The following PLIN3 variants were observed in gnomAD, a reference collection of about 807,000 sequenced individuals.
PLIN3 encodes perilipin-3.
A neutral mutation model predicts 35.9 loss-of-function variants in PLIN3; 30 were observed. The ratio of observed to expected loss-of-function variants is 0.84; its 90% CI spans 0.62 to 1.13. PLIN3 has a LOEUF of 1.13. PLIN3 is among the 50% of genes most tolerant of loss of function. The pLI is 0.00. For missense variants in PLIN3, 603 were observed against 596.9 expected (o/e 1.01, Z -0.11); for synonymous variants, 261 against 262.5 (o/e 0.99, Z 0.06).
chr19:4,855,940 AT>A (rs2030461094), intron 4 of PLIN3, among the ~76,000 whole-genome samples: 1 of 148,168 alleles, frequency 6.7e-6, no homozygotes, highest in African/African-American at 2.5e-5. Context: ...AAAAAAAAAA[AT>A]GCAAGTTGAC....
chr19:4,861,577 T>C (rs1405891239), intron 1 of PLIN3, among the ~76,000 whole-genome samples, 166 bp from the exon 2 acceptor site: 1 of 150,978 alleles, frequency 6.6e-6, no homozygotes, highest in Non-Finnish European at 1.5e-5. Context: ...CTTTGTTCAA[T>C]AGCAAGTGCT....
chr19:4,847,979 C>T (rs1197875648), intron 5 of PLIN3, 89 bp from the exon 6 acceptor site: 2 of 912,668 alleles, frequency 2.2e-6, no homozygotes, highest in African/African-American at 1.7e-5. Context: ...TCACACTGTC[C>T]AGTTTATTTA....
At chr19:4,842,385 C>T (rs562347220) in intron 7 of PLIN3, among the ~76,000 whole-genome samples, 16 of 151,820 alleles carry the variant, frequency 1.1e-4, no homozygotes, top group African/African-American at 3.1e-4. Context: ...GTCAAGATCA[C>T]GCCACTGCAC....
At chr19:4,855,313 T>G (rs1432622304) in intron 4 of PLIN3, among the ~76,000 whole-genome samples, 1 of 146,744 alleles carries the variant, frequency 6.8e-6, no homozygotes, top group Non-Finnish European at 1.5e-5. Flanking sequence ...CTTGAAGAAT[T>G]CACCCTGAGC....
chr19:4,847,282 T>A (rs1226711240), intron 6 of PLIN3, among the ~76,000 whole-genome samples: 1 of 151,586 alleles, frequency 6.6e-6, no homozygotes. Context: ...CTCCAACTCC[T>A]GGGCTCAAGC....
intron 4 of PLIN3, among the ~76,000 whole-genome samples, chr19:4,855,832 G>C (rs1016330765): frequency 6.6e-6 from 1 of 151,780 alleles, no homozygotes; most frequent in Non-Finnish European, 1.5e-5. Context: ...CTGAGAGCTG[G>C]GAGGATTGCC....
At chr19:4,841,239 C>A (rs2029886403) in intron 7 of PLIN3, among the ~76,000 whole-genome samples, 1 of 152,090 alleles carries the variant, frequency 6.6e-6, no homozygotes, top group South Asian at 2.1e-4. Context: ...AATGGGTGAA[C>A]AGAATGTGAT....
intron 7 of PLIN3, among the ~76,000 whole-genome samples, chr19:4,841,404 G>A (rs2029888940): frequency 6.6e-6 from 1 of 152,072 alleles, no homozygotes; most frequent in Non-Finnish European, 1.5e-5. Flanking sequence ...GAAATGTCCA[G>A]GACAGGCCCA....
chr19:4,863,885 G>A (rs1232528284), intron 1 of PLIN3, among the ~76,000 whole-genome samples: 1 of 151,798 alleles, frequency 6.6e-6, no homozygotes, highest in African/African-American at 2.4e-5. Flanking sequence ...TAACTGACAT[G>A]ACATGAACAA....
chr19:4,852,724 T>C (rs2030342954), intron 4 of PLIN3, among the ~76,000 whole-genome samples: 2 of 151,874 alleles, frequency 1.3e-5, no homozygotes, highest in Admixed American at 1.3e-4. Flanking sequence ...CACTGCAACC[T>C]CTGTCTCCCG....
intron 4 of PLIN3, among the ~76,000 whole-genome samples, chr19:4,856,085 T>A (rs916666131): frequency 1.3e-5 from 2 of 152,092 alleles, no homozygotes; most frequent in African/African-American, 4.8e-5. Context: ...AAGCTGCCTG[T>A]CCCTGCAGGT....
chr19:4,856,276 C>G (rs1293029787), intron 4 of PLIN3, among the ~76,000 whole-genome samples: 1 of 152,032 alleles, frequency 6.6e-6, no homozygotes, highest in African/African-American at 2.4e-5. Context: ...AAGCATCTAT[C>G]TGCAGGGCGC....
At chr19:4,858,572 T>C (rs1001483027) in intron 4 of PLIN3, among the ~76,000 whole-genome samples, 4 of 150,618 alleles carry the variant, frequency 2.7e-5, no homozygotes, top group African/African-American at 9.8e-5. Context: ...TTAGTAGAGA[T>C]GGGGTTTCAC....
chr19:4,865,961 G>A (rs2030839685), intron 1 of PLIN3, among the ~76,000 whole-genome samples: 1 of 150,218 alleles, frequency 6.7e-6, no homozygotes, highest in African/African-American at 2.5e-5. Flanking sequence ...CTGACCTCAT[G>A]ATCCGCCCGC....
At chr19:4,841,542 C>T (rs929790998) in intron 7 of PLIN3, among the ~76,000 whole-genome samples, 3 of 150,184 alleles carry the variant, frequency 2.0e-5, no homozygotes, top group East Asian at 2.0e-4. Context: ...TGAGAACCAG[C>T]GATGTGTATG....
chr19:4,864,121 G>A (rs1468159088), intron 1 of PLIN3, among the ~76,000 whole-genome samples: 2 of 96,024 alleles, frequency 2.1e-5, no homozygotes, highest in Admixed American at 1.4e-4. Context: ...GTGTGTGTGT[G>A]TGTGTGTGTG....
chr19:4,850,894 A>G (rs2030268325), intron 5 of PLIN3, among the ~76,000 whole-genome samples: 1 of 152,006 alleles, frequency 6.6e-6, no homozygotes, highest in African/African-American at 2.4e-5. Flanking sequence ...CTTATTTGCA[A>G]AAATCCCAAT....
chr19:4,867,174 G>C (rs1259891308), intron 1 of PLIN3: 1 of 152,312 alleles, frequency 6.6e-6, no homozygotes, highest in South Asian at 2.1e-4. Flanking sequence ...ACCATCTGTA[G>C]GGGAGGGGGC....
chr19:4,852,531 C>A (rs1418671833), intron 4 of PLIN3, among the ~76,000 whole-genome samples: 4 of 152,208 alleles, frequency 2.6e-5, no homozygotes, highest in Admixed American at 6.5e-5. Flanking sequence ...GAGTTGTGGG[C>A]ATGACCTCAT....
Sources: allele counts gnomAD v4.1 joint callset (sites outside exome capture counted in the v4.1 genomes callset), GRCh38; gene constraint gnomAD v4.1.1; transcripts MANE v1.5; gene names NCBI Gene and HGNC (gene_info 2026-07-23, HGNC 2026-07-21).